GPR137B: variants seen among roughly 807,000 people sequenced by gnomAD.
GPR137B encodes integral membrane protein GPR137B.
A neutral mutation model predicts 42.5 loss-of-function variants in GPR137B; 42 were observed. That is an observed-to-expected ratio of 0.99 (90% CI 0.77 to 1.28). The LOEUF is 1.28. GPR137B is among the 50% of genes most tolerant of loss of function. GPR137B has a pLI of 0.00. For synonymous variants in GPR137B, 218 were observed against 209.7 expected (o/e 1.04, Z -0.34); for missense variants, 487 against 493.9 (o/e 0.99, Z 0.13).
In GPR137B at chr1:236,171,089, CAT is replaced by C. The variant is rs1463005244; in HGVS notation, c.464+2337_464+2338del. ...TTATGTTTCAGATACACCTTATACA[CAT>C]ATCCTGAAGGCAACTTTATACAACA... is the stretch of plus-strand genomic sequence containing the variant. On this transcript the variant is annotated intron_variant, in intron 2 of 6. Coordinates refer to ENST00000366592, the MANE Select transcript of GPR137B (RefSeq NM_003272.4). This position sits in a 1 kb window ranked among gnomAD's most constrained non-coding sequence, Gnocchi z 4.4. Among the ~76,000 whole-genome samples, 1 of 152,124 alleles carries C rather than the reference CAT, an allele frequency of 6.6e-6. No homozygotes were observed. Among genetic ancestry groups the C allele is most frequent in the Non-Finnish European group, 1.5e-5 (1 of 68,030 alleles).
rs1052892101 is a variant in GPR137B, at chr1:236,142,701, G to T, written c.79G>T (p.Asp27Tyr). The T allele has an allele frequency of 1.3e-6, 2 of 1,593,898 alleles. No homozygotes were observed. The highest frequency in any genetic ancestry group is 1.3e-5 in the African/African-American group (1 of 74,458). Reference protein sequence around the residue: ...ETPPWDPARNDSLPPTLTPAV... With the variant: ...ETPPWDPARNYSLPPTLTPAV... ...CCCGCCGTGGGACCCAGCCCGCAAC[G>T]ACTCGCTGCCGCCCACGCTGACCCC... The change falls in exon 1 of 7, where the codon GAC (aspartate) becomes TAC (tyrosine). Residue 27 changes from aspartate to tyrosine, a missense_variant. Coordinates refer to ENST00000366592, the MANE Select transcript of GPR137B (RefSeq NM_003272.4).
intron 5 of GPR137B, among the ~76,000 whole-genome samples, chr1:236,203,008 C>T (rs1663540279): frequency 6.6e-6 from 1 of 152,098 alleles, no homozygotes; most frequent in African/African-American, 2.4e-5. Context: ...AATGAGTTCA[C>T]TGTAGGTGTG....
At chr1:236,188,173 G>A (rs1002847918) in intron 5 of GPR137B, among the ~76,000 whole-genome samples, 9 of 152,274 alleles carry the variant, frequency 5.9e-5, no homozygotes, top group Admixed American at 3.3e-4. Context: ...CATTGATTTT[G>A]TATCCTGAGA....
intron 5 of GPR137B, among the ~76,000 whole-genome samples, chr1:236,190,388 TTA>T (rs1663160802): frequency 1.3e-5 from 2 of 152,220 alleles, no homozygotes; most frequent in Non-Finnish European, 2.9e-5. Context: ...TGTTAGCTGA[TTA>T]TTTTGCCCAT....
chr1:236,167,861 C>T (rs549236990), intron 1 of GPR137B, among the ~76,000 whole-genome samples: 1 of 152,316 alleles, frequency 6.6e-6, no homozygotes, highest in South Asian at 2.1e-4. Context: ...CTTCTGCCTC[C>T]TCTTCACCTT....
At chr1:236,169,456 G>A (rs1662468914) in intron 2 of GPR137B, among the ~76,000 whole-genome samples, 2 of 152,344 alleles carry the variant, frequency 1.3e-5, no homozygotes, top group African/African-American at 4.8e-5. Context: ...GGCACCAGGA[G>A]GAAGAATGTG....
chr1:236,189,126 T>C (rs1162383642), intron 5 of GPR137B, among the ~76,000 whole-genome samples: 2 of 152,254 alleles, frequency 1.3e-5, no homozygotes, highest in East Asian at 3.8e-4. Flanking sequence ...TATAGTATTC[T>C]TTGATGGTAG....
intron 4 of GPR137B, among the ~76,000 whole-genome samples, chr1:236,182,686 G>A (rs1662917144): frequency 6.6e-6 from 1 of 152,108 alleles, no homozygotes; most frequent in South Asian, 2.1e-4. Flanking sequence ...AGTGAGGTGT[G>A]ATCGCACCAC....
intron 2 of GPR137B, among the ~76,000 whole-genome samples, chr1:236,173,181 C>A (rs1391297622): frequency 6.6e-6 from 1 of 150,892 alleles, no homozygotes; most frequent in Non-Finnish European, 1.5e-5. Context: ...TTCCCAGCTA[C>A]TTGGAATGCT....
At chr1:236,167,968 A>G (rs750570960) in intron 1 of GPR137B, among the ~76,000 whole-genome samples, 1 of 152,262 alleles carries the variant, frequency 6.6e-6, no homozygotes, top group African/African-American at 2.4e-5. Context: ...CCAGTCTGCA[A>G]TATTTCTGTT....
intron 1 of GPR137B, among the ~76,000 whole-genome samples, chr1:236,159,861 A>G (rs1249365002): frequency 1.3e-5 from 2 of 152,334 alleles, no homozygotes; most frequent in Middle Eastern, 3.4e-3. Context: ...CAGGTCCGGG[A>G]TGAGGAGGCC....
intron 1 of GPR137B, among the ~76,000 whole-genome samples, chr1:236,149,357 G>T (rs1401681778): frequency 6.6e-6 from 1 of 152,184 alleles, no homozygotes; most frequent in African/African-American, 2.4e-5. Flanking sequence ...AGGCAGCCCA[G>T]CCAGGCGTGC....
chr1:236,193,960 T>C (rs760024031), intron 5 of GPR137B, among the ~76,000 whole-genome samples: 7 of 152,214 alleles, frequency 4.6e-5, no homozygotes, highest in Non-Finnish European at 8.8e-5. Flanking sequence ...TGGTCCCTGA[T>C]TTACAACAGT....
chr1:236,180,013 C>A lies in GPR137B; in HGVS notation c.822C>A (p.Tyr274Ter). ...KSVHSFDYDW[Y>*]NVSDQADLKN... ...TCCATTCCTTTGATTATGACTGGTA[C>A]AATGTATCAGACCAGGTCAGTGGGG... The change falls in exon 4 of 7, where the codon TAC becomes TAA. Residue 274 changes from tyrosine (Y) to a stop codon, truncating the protein, a stop_gained. Coordinates refer to ENST00000366592, the MANE Select transcript of GPR137B (RefSeq NM_003272.4). LOFTEE classifies it high-confidence loss of function. 2 of 1,613,590 alleles carry A rather than the reference C, an allele frequency of 1.2e-6. No homozygotes were observed. Among genetic ancestry groups the A allele is most frequent in the Non-Finnish European group, 1.7e-6 (2 of 1,179,560 alleles).
At chr1:236,194,976 T>A (rs567575755) in intron 5 of GPR137B, among the ~76,000 whole-genome samples, 2 of 152,278 alleles carry the variant, frequency 1.3e-5, no homozygotes, top group South Asian at 2.1e-4. Context: ...CTTTTAAAAA[T>A]TTTTTTGTAG....
chr1:236,142,647 C>T lies in GPR137B; in HGVS notation c.25C>T (p.Arg9Cys), dbSNP rs1661554598. 6.7e-7 allele frequency: 1 copy of T among 1,498,262 alleles called. No homozygotes were observed. Among genetic ancestry groups the T allele is most frequent in the Non-Finnish European group, 8.8e-7 (1 of 1,131,488 alleles). 92.8% of individuals were successfully genotyped at this position (1,498,262 alleles called of 1,614,324 possible). Reference protein sequence around the residue: MRPERPRPRGSAPGPMETP... With the variant: MRPERPRPCGSAPGPMETP... The stretch of plus-strand genomic sequence containing the variant: ...GATGAGGCCCGAGCGTCCCCGGCCG[C>T]GCGGCAGCGCCCCCGGCCCGATGGA... The change falls in exon 1 of 7, where the codon CGC (arginine) becomes TGC (cysteine). Residue 9 changes from arginine (R) to cysteine (C), a missense_variant. Arg to Cys is a radical substitution (Grantham distance 180). Transcript: ENST00000366592.
intron 1 of GPR137B, among the ~76,000 whole-genome samples, chr1:236,157,982 C>T (rs1457088984): frequency 6.6e-6 from 1 of 152,180 alleles, no homozygotes; most frequent in Non-Finnish European, 1.5e-5. Context: ...GGACGGTACT[C>T]TGTATCTTTC....
chr1:236,161,984 G>A lies in GPR137B; in HGVS notation c.415-6722G>A, dbSNP rs370074730. On this transcript the variant is annotated intron_variant, in intron 1 of 6. Coordinates refer to ENST00000366592, the MANE Select transcript of GPR137B (RefSeq NM_003272.4). ...AAATGTGAAGCAACTTTGGAACTGG[G>A]TAACAGACAGAGATTACAACAGTTG... is the stretch of plus-strand genomic sequence containing the variant. Among the ~76,000 whole-genome samples the A allele has an allele frequency of 2.0e-3, 304 of 151,804 alleles. 1 individual carries two copies. The South Asian group carries it at 0.024, about 12-fold the overall frequency.
At chr1:236,202,251 G>A (rs1472093961) in intron 5 of GPR137B, among the ~76,000 whole-genome samples, 1 of 152,066 alleles carries the variant, frequency 6.6e-6, no homozygotes, top group Non-Finnish European at 1.5e-5. Context: ...TTGCCACCAT[G>A]GACAGACTCA....
Sources: allele counts gnomAD v4.1 joint callset (sites outside exome capture counted in the v4.1 genomes callset), GRCh38; gene constraint gnomAD v4.1.1; non-coding constraint Gnocchi (gnomAD v3.1); transcripts MANE v1.5; gene names NCBI Gene and HGNC (gene_info 2026-07-23, HGNC 2026-07-21).